The following HECW2 variants were observed in gnomAD, a reference collection of about 807,000 sequenced individuals.
HECW2 encodes E3 ubiquitin-protein ligase HECW2.
A neutral mutation model predicts 175.2 loss-of-function variants in HECW2; 61 were observed. The ratio of observed to expected loss-of-function variants is 0.35; its 90% confidence interval spans 0.28 to 0.43. The LOEUF (loss-of-function observed/expected upper bound fraction) is 0.43. Ranked by LOEUF, HECW2 falls within the 20% of genes least tolerant of loss-of-function variation. HECW2 has a pLI of 1.00. For synonymous variants in HECW2, 671 were observed against 731.0 expected (o/e 0.92, Z 1.32); for missense variants, 1,524 against 2,000.5 (o/e 0.76, Z 4.54).
intron 7 of HECW2, among the ~76,000 whole-genome samples, 160 bp downstream of exon 7, chr2:196,322,318 G>A (rs1362794919): frequency 6.6e-6 from 1 of 152,134 alleles, no homozygotes; most frequent in Non-Finnish European, 1.5e-5. Flanking sequence ...CTACTTTTTT[G>A]TCAAGTACAT....
chr2:196,477,682 C>T (rs546115118), intron 1 of HECW2, among the ~76,000 whole-genome samples: 2 of 152,306 alleles, frequency 1.3e-5, no homozygotes, highest in Admixed American at 6.5e-5. Flanking sequence ...ACATTCCAAG[C>T]TCCCACTGGC....
chr2:196,364,566 A>G (rs1693692471), intron 2 of HECW2, among the ~76,000 whole-genome samples: 1 of 152,164 alleles, frequency 6.6e-6, no homozygotes, highest in Non-Finnish European at 1.5e-5. Flanking sequence ...AGTCCAGCAA[A>G]ACCAAGAGCA....
intron 21 of HECW2, among the ~76,000 whole-genome samples, chr2:196,235,903 C>T (rs575408200): frequency 1.3e-5 from 2 of 152,064 alleles, no homozygotes; most frequent in South Asian, 2.1e-4. Flanking sequence ...GTGATCTGCT[C>T]GCCTTGGCCT....
intron 1 of HECW2, among the ~76,000 whole-genome samples, chr2:196,573,560 G>C (rs998600630): frequency 6.6e-6 from 1 of 152,014 alleles, no homozygotes; most frequent in Non-Finnish European, 1.5e-5. Context: ...ATCACTATAT[G>C]ACCTGGCAGT....
At chr2:196,441,826 C>T (rs1035892377) in intron 1 of HECW2, among the ~76,000 whole-genome samples, 1 of 152,110 alleles carries the variant, frequency 6.6e-6, no homozygotes, top group African/African-American at 2.4e-5. Flanking sequence ...GAAATGAGAA[C>T]TGAATAGAGA....
At chr2:196,344,561 A>T (rs1014977206) in intron 2 of HECW2, among the ~76,000 whole-genome samples, 4 of 152,102 alleles carry the variant, frequency 2.6e-5, no homozygotes, top group Non-Finnish European at 5.9e-5. Context: ...CAGCACCCTG[A>T]GGACTGGGGA....
At chr2:196,295,172 C>A (rs1690759761) in intron 13 of HECW2, among the ~76,000 whole-genome samples, 1 of 152,036 alleles carries the variant, frequency 6.6e-6, no homozygotes, top group African/African-American at 2.4e-5. Flanking sequence ...TGGTTCAGAG[C>A]AGAGAGTACT....
rs565772477 is a variant in HECW2, at chr2:196,575,836, A to G, written c.-36+17672T>C. ...GTCACATGGCAAGAGGAAGCAAGAGAGCTGCCAAGCTCTTTTAAACAACCA... is the reference window on the plus strand; with the variant it reads ...GTCACATGGCAAGAGGAAGCAAGAGGGCTGCCAAGCTCTTTTAAACAACCA... On this transcript the variant is annotated intron_variant, in intron 1 of 28. Coordinates refer to ENST00000644978, the MANE Select transcript of HECW2 (RefSeq NM_001348768.2). 4.6e-5 allele frequency among the ~76,000 whole-genome samples: 7 copies of G among 151,736 alleles called. No individual in the cohort carries two copies. In the East Asian group the frequency reaches 1.4e-3, roughly 29 times the overall value.
chr2:196,351,595 G>A (rs544489413), intron 2 of HECW2, among the ~76,000 whole-genome samples: 1 of 152,152 alleles, frequency 6.6e-6, no homozygotes, highest in African/African-American at 2.4e-5. Flanking sequence ...CCATGTGACC[G>A]ATTGTGCCAG....
At chr2:196,241,111 A>C (rs927317614) in intron 20 of HECW2, among the ~76,000 whole-genome samples, 16 of 152,244 alleles carry the variant, frequency 1.1e-4, no homozygotes, top group African/African-American at 3.9e-4. Context: ...ACAGATACAA[A>C]TGAATGATGA....
chr2:196,276,010 A>G (rs1306315701), intron 15 of HECW2, among the ~76,000 whole-genome samples: 1 of 152,170 alleles, frequency 6.6e-6, no homozygotes, highest in East Asian at 1.9e-4. Context: ...TTCTCTGGGG[A>G]GATCTGATCA....
intron 1 of HECW2, among the ~76,000 whole-genome samples, chr2:196,438,476 A>C (rs1357827554): frequency 6.6e-6 from 1 of 152,204 alleles, no homozygotes; most frequent in Non-Finnish European, 1.5e-5. Flanking sequence ...CACTTAAAGC[A>C]CATTTCAGTT....
chr2:196,237,316 A>G (rs1298447456), intron 21 of HECW2, among the ~76,000 whole-genome samples: 3 of 152,114 alleles, frequency 2.0e-5, no homozygotes, highest in Non-Finnish European at 4.4e-5. Flanking sequence ...ACTGTATCCA[A>G]TGTGTAGTCT....
At chr2:196,500,319 C>T (rs1687532538) in intron 1 of HECW2, among the ~76,000 whole-genome samples, 1 of 152,170 alleles carries the variant, frequency 6.6e-6, no homozygotes, top group Non-Finnish European at 1.5e-5. Context: ...CCCATGACAT[C>T]CAGACACTGT....
chr2:196,493,092 G>C (rs538353961), intron 1 of HECW2, among the ~76,000 whole-genome samples: 1 of 152,318 alleles, frequency 6.6e-6, no homozygotes, highest in South Asian at 2.1e-4. Flanking sequence ...ACACAGGCTA[G>C]ACATGGTGGC....
Position 196,196,325 on chromosome 2 carries a change from T to C in HECW2, c.*4952A>G, listed in dbSNP as rs1686688452. The C allele has an allele frequency of 6.6e-6, 1 of 152,184 alleles. No homozygotes were observed. Among genetic ancestry groups the C allele is most frequent in the Admixed American group, 6.5e-5 (1 of 15,268 alleles). 9.4% of individuals were successfully genotyped at this position (152,184 alleles called of 1,614,324 possible). A position where few individuals can be genotyped will look rare whatever the true frequency, so the allele number is the denominator to read the frequency against. On this transcript the variant is annotated 3_prime_UTR_variant, in exon 29 of 29. Transcript: ENST00000644978. ...CAGAAAGCTTTAATGTCTTCAGCAT[T>C]CCTTTGCATCCATACTAGACAAACA...
intron 1 of HECW2, among the ~76,000 whole-genome samples, chr2:196,457,187 T>C (rs1166672052): frequency 6.6e-6 from 1 of 152,232 alleles, no homozygotes; most frequent in Non-Finnish European, 1.5e-5. Flanking sequence ...TCTGCTCTGA[T>C]GTCATAAAGC....
At chr2:196,206,660 T>C (rs569536883) in intron 28 of HECW2, among the ~76,000 whole-genome samples, 1 of 152,326 alleles carries the variant, frequency 6.6e-6, no homozygotes, top group East Asian at 1.9e-4. Context: ...GTTTCTGTCC[T>C]CAAGGAGTTT....
intron 1 of HECW2, among the ~76,000 whole-genome samples, chr2:196,455,526 A>T (rs1353404100): frequency 6.6e-6 from 1 of 152,218 alleles, no homozygotes; most frequent in East Asian, 1.9e-4. Flanking sequence ...AAAGAATTTT[A>T]AAAATATTTC....
Sources: gnomAD v4.1 joint callset for allele counts (sites outside exome capture counted in the v4.1 genomes callset) on GRCh38, gnomAD v4.1.1 for gene constraint, MANE v1.5 for transcripts, NCBI Gene and HGNC (gene_info 2026-07-23, HGNC 2026-07-21) for gene names.